DZIP1: variants seen among roughly 807,000 people sequenced by gnomAD.
DZIP1 encodes the protein cilium assembly protein DZIP1.
In DZIP1, 97 loss-of-function variants were observed where a neutral mutation model predicts 107.6. The ratio of observed to expected loss-of-function variants is 0.90; its 90% CI spans 0.77 to 1.07. DZIP1 has a LOEUF of 1.07. DZIP1 is among the 50% of genes least tolerant of loss of function. The probability of loss-of-function intolerance (pLI) is 0.00; values close to 1 mark genes in which losing one functional copy is unlikely to be tolerated. For missense variants in DZIP1, 1,035 were observed against 1,063.6 expected, an observed-to-expected ratio of 0.97 and a Z score of 0.37; for synonymous variants, 390 against 386.4, an observed-to-expected ratio of 1.01 and a Z score of -0.11.
intron 10 of DZIP1, among the ~76,000 whole-genome samples, chr13:95,613,699 A>G (rs954393700): frequency 6.6e-6 from 1 of 152,174 alleles, no homozygotes; most frequent in African/African-American, 2.4e-5. Flanking sequence ...ATTGTGTACT[A>G]GATGCACTTC....
At chr13:95,616,737 CCT>C (rs753038508) in intron 10 of DZIP1, among the ~76,000 whole-genome samples, 3 of 152,022 alleles carry the variant, frequency 2.0e-5, no homozygotes, top group Non-Finnish European at 2.9e-5. Flanking sequence ...GTGTACACCC[CCT>C]GTGTGATGCT....
At chr13:95,613,890 G>A (rs773854450) in intron 10 of DZIP1, among the ~76,000 whole-genome samples, 10 of 152,272 alleles carry the variant, frequency 6.6e-5, no homozygotes, top group East Asian at 1.9e-4. Context: ...TCGGGAGGCC[G>A]AGGAGGGAGG....
At chr13:95,619,116 G>A (rs1875501408) in intron 10 of DZIP1, among the ~76,000 whole-genome samples, 1 of 152,184 alleles carries the variant, frequency 6.6e-6, no homozygotes, top group South Asian at 2.1e-4. Flanking sequence ...TGACAATGAA[G>A]AAATGATTAA....
intron 7 of DZIP1, among the ~76,000 whole-genome samples, chr13:95,625,787 C>A (rs1876468658): frequency 1.3e-5 from 2 of 152,050 alleles, no homozygotes; most frequent in Admixed American, 1.3e-4. Flanking sequence ...GCAGCCAAAT[C>A]AGTGCTCAGA....
rs2044024275 is a variant in DZIP1, at chr13:95,582,182, CTG to C, written c.*50_*51del. 6.4e-7 allele frequency: 1 copy of C among 1,564,064 alleles called. No individual in the cohort carries two copies. Among genetic ancestry groups the C allele is most frequent in the Middle Eastern group, 1.7e-4 (1 of 5,988 alleles). ...ATCATGGAGGCAAATTACTGAAACA[CTG>C]TGATACTGAAATACTGCTGGCTTCT... On this transcript the variant is annotated 3_prime_UTR_variant, in exon 23 of 23. Transcript: ENST00000376829.
chr13:95,643,945 C>T (rs902618917), intron 1 of DZIP1, among the ~76,000 whole-genome samples: 1 of 152,318 alleles, frequency 6.6e-6, no homozygotes, highest in East Asian at 1.9e-4. Context: ...CCTGCGGGCC[C>T]GAGGTACCCA....
rs548868619 is a variant in DZIP1, at chr13:95,584,678, T to G, written c.2524+58A>C. ...TAAGTTAATTAGATATTTATAAAGA[T>G]GAAACACAACTAATAAGAAAATGGA... On this transcript the variant is annotated intron_variant, in intron 22 of 22. Coordinates refer to ENST00000376829, the MANE Select transcript of DZIP1 (RefSeq NM_198968.4). 9.7e-6 allele frequency: 15 copies of G among 1,549,262 alleles called. No homozygotes were observed. The Admixed American group carries it at 2.2e-4, about 23-fold the overall frequency.
At chr13:95,596,132 G>T (rs560223900) in intron 15 of DZIP1, among the ~76,000 whole-genome samples, 229 of 152,164 alleles carry the variant, frequency 1.5e-3, no homozygotes, top group Non-Finnish European at 2.9e-3. Context: ...GCAAGAGAAA[G>T]AATGTAGAGT....
At position 95,641,653 on chromosome 13, in the gene DZIP1, A is replaced by C. The variant is rs1566440911; in HGVS notation, c.239T>G (p.Val80Gly). Residue 80 changes from valine (V) to glycine (G), a missense_variant, in exon 5 of 23, where the codon GTG (valine) becomes GGG (glycine). Transcript: ENST00000376829. The surrounding 1 kb of genome is among the most constrained non-coding windows in gnomAD (Gnocchi z 4.3). The part of the protein sequence containing the change: ...RRLSAIDVDK[V>G]AGAVDVLTLQ... ...CGTCAGCACGTCCACAGCCCCCGCC[A>C]CCTTGTCCACGTCGATGGCGCTCAG... 1.2e-6 allele frequency: 2 copies of C among 1,608,720 alleles called. No homozygotes were observed. Among genetic ancestry groups the C allele is most frequent in the East Asian group, 2.2e-5 (1 of 44,860 alleles).
rs548429672 is a variant in DZIP1 at position 95,629,108 on chromosome 13, C to A, written c.810+881G>T. On this transcript the variant is annotated intron_variant, in intron 7 of 22. Coordinates refer to ENST00000376829, the MANE Select transcript of DZIP1 (RefSeq NM_198968.4). ...ATTCTGTGAAATGACTGCTGTTATC[C>A]CTAGAAAGTCACACTTGCTGTCCCC... Among the ~76,000 whole-genome samples the A allele has an allele frequency of 2.3e-3, 355 of 152,272 alleles. 4 individuals carry two copies. The highest frequency in any genetic ancestry group is 9.1e-4 in the Non-Finnish European group (62 of 68,038).
Position 95,642,030 on chromosome 13 carries a change from A to G in DZIP1, c.-1T>C, listed in dbSNP as rs780929314. On this transcript the variant is annotated 5_prime_UTR_variant, in exon 4 of 23. Transcript: ENST00000376829. ...ACCAATCCGCTGCCTCAGCTTGCATAGGAGGAGCCGGGCGGTCTTTACCCA... is the reference window on the plus strand; with the variant it reads ...ACCAATCCGCTGCCTCAGCTTGCATGGGAGGAGCCGGGCGGTCTTTACCCA... 2 of 1,572,282 alleles carry G rather than the reference A, an allele frequency of 1.3e-6. No individual in the cohort carries two copies. The highest frequency in any genetic ancestry group is 1.7e-6 in the Non-Finnish European group (2 of 1,164,744).
At chr13:95,584,274 CAA>C (rs761989023) in intron 22 of DZIP1, among the ~76,000 whole-genome samples, 3 of 20,090 alleles carry the variant, frequency 1.5e-4, no homozygotes, top group Non-Finnish European at 3.2e-4. Context: ...TGCGCCTGGC[CAA>C]AAAAAAAAAA....
At chr13:95,611,990 A>T in intron 11 of DZIP1, 47 bp downstream of exon 11, 1 of 1,597,908 alleles carries the variant, frequency 6.3e-7, no homozygotes, top group East Asian at 2.2e-5. Context: ...TCTTAGATAG[A>T]CTGCGTTGCT....
chr13:95,600,943 A>G (rs1238153992), intron 14 of DZIP1, among the ~76,000 whole-genome samples: 2 of 152,226 alleles, frequency 1.3e-5, no homozygotes, highest in African/African-American at 2.4e-5. Flanking sequence ...ACTAGTTTGA[A>G]CTGCTGAAAA....
chr13:95,636,196 CA>C (rs35387094), intron 5 of DZIP1, among the ~76,000 whole-genome samples: 1,939 of 135,124 alleles, frequency 0.014, 37 homozygotes, highest in African/African-American at 0.044. Context: ...AGATAAAATA[CA>C]AAAAAAAAAA....
rs1255764909 is a variant in DZIP1, at chr13:95,587,647, G to A, written c.2110C>T (p.Pro704Ser). 1 of 1,614,152 alleles carries A rather than the reference G, an allele frequency of 6.2e-7. No homozygotes were observed. The highest frequency in any genetic ancestry group is 8.5e-7 in the Non-Finnish European group (1 of 1,180,036). ...AYASPGPLPV[P>S]PPQNKGSFGK... ...AAGCTGCCCTTGTTTTGTGGTGGCGGCACAGGAAGTGGGCCTGGGGATGCG... is the reference window on the plus strand; with the variant it reads ...AAGCTGCCCTTGTTTTGTGGTGGCGACACAGGAAGTGGGCCTGGGGATGCG... Residue 704 changes from proline to serine, a missense_variant, in exon 20 of 23, where the codon CCG becomes TCG. Transcript: ENST00000376829.
At chr13:95,608,807 T>A (rs2044875012) in intron 13 of DZIP1, among the ~76,000 whole-genome samples, 1 of 152,186 alleles carries the variant, frequency 6.6e-6, no homozygotes, top group Non-Finnish European at 1.5e-5. Flanking sequence ...CCTGGGCCCA[T>A]GAGCGTGGTG....
intron 7 of DZIP1, among the ~76,000 whole-genome samples, chr13:95,626,657 A>G (rs531505946): frequency 6.6e-6 from 1 of 152,360 alleles, no homozygotes; most frequent in East Asian, 1.9e-4. Flanking sequence ...CTAAAGTAAT[A>G]AACAAATTCA....
chr13:95,614,102 G>A (rs138676849), intron 10 of DZIP1, among the ~76,000 whole-genome samples: 22 of 145,070 alleles, frequency 1.5e-4, no homozygotes, highest in South Asian at 4.5e-4. Flanking sequence ...CTGTAGCCCC[G>A]GTGACAGAGT....
Sources: gnomAD v4.1 joint callset for allele counts (sites outside exome capture counted in the v4.1 genomes callset) on GRCh38, gnomAD v4.1.1 for gene constraint, Gnocchi (gnomAD v3.1) non-coding constraint, MANE v1.5 for transcripts, NCBI Gene and HGNC (gene_info 2026-07-23, HGNC 2026-07-21) for gene names.